Variants in CRB1 observed in about 807,000 individuals in gnomAD.
CRB1 encodes the protein protein crumbs homolog 1.
Under a neutral mutation model 120.0 loss-of-function variants are expected in CRB1, and 83 were observed. The ratio of observed to expected loss-of-function variants is 0.69; its 90% CI spans 0.58 to 0.83. The LOEUF is 0.83. Among genes scored for constraint, CRB1 ranks in the 40% least tolerant of loss-of-function variants. The probability of loss-of-function intolerance (pLI) is 0.00; values close to 1 mark genes in which losing one functional copy is unlikely to be tolerated. For missense variants in CRB1, 1,699 were observed against 1,687.6 expected (o/e 1.01, Z -0.12); for synonymous variants, 625 against 612.5 (o/e 1.02, Z -0.30).
intron 8 of CRB1, among the ~76,000 whole-genome samples, chr1:197,433,141 C>A (rs576992932): frequency 6.6e-6 from 1 of 151,796 alleles, no homozygotes; most frequent in African/African-American, 2.4e-5. Context: ...AGCTATCCAC[C>A]CTCCTCAGCC....
chr1:197,394,104 A>G (rs539009063), intron 5 of CRB1, among the ~76,000 whole-genome samples: 5 of 152,032 alleles, frequency 3.3e-5, no homozygotes, highest in African/African-American at 9.7e-5. Context: ...CCTGTGCCCA[A>G]CTATGTGCAG....
At chr1:197,397,843 G>C (rs1247851581) in intron 5 of CRB1, among the ~76,000 whole-genome samples, 1 of 152,134 alleles carries the variant, frequency 6.6e-6, no homozygotes, top group East Asian at 1.9e-4. Context: ...ATTGAGAACT[G>C]TTTTGGAGGG....
intron 5 of CRB1, among the ~76,000 whole-genome samples, chr1:197,379,190 G>A (rs1481038928): frequency 6.6e-6 from 1 of 152,060 alleles, no homozygotes; most frequent in African/African-American, 2.4e-5. Flanking sequence ...GAAGATCAAT[G>A]TTCTAATGGT....
intron 11 of CRB1, among the ~76,000 whole-genome samples, chr1:197,468,983 C>G (rs976566450): frequency 5.3e-5 from 8 of 151,732 alleles, no homozygotes; most frequent in Non-Finnish European, 1.0e-4. Flanking sequence ...TCTGCTGGAA[C>G]CCCCCGGCCC....
the CRB1 span, among the ~76,000 whole-genome samples, chr1:197,260,941 C>A: frequency 6.6e-6 from 1 of 152,108 alleles, no homozygotes; most frequent in Non-Finnish European, 1.5e-5. Flanking sequence ...GTGATCCACC[C>A]GCCTTGGCCT....
chr1:197,458,251 T>C (rs1227158095), intron 11 of CRB1, among the ~76,000 whole-genome samples: 5 of 151,846 alleles, frequency 3.3e-5, no homozygotes, highest in Non-Finnish European at 5.9e-5. Flanking sequence ...AAAGAGCTAG[T>C]AGAGTTTACA....
chr1:197,222,193 G>T, the CRB1 span: 1 of 451,288 alleles, frequency 2.2e-6, no homozygotes, highest in Non-Finnish European at 4.2e-6. Context: ...GCTCCTTGTT[G>T]CCCTGCACTG....
intron 5 of CRB1, among the ~76,000 whole-genome samples, chr1:197,385,398 T>C (rs1453909334): frequency 6.6e-6 from 1 of 152,146 alleles, no homozygotes; most frequent in African/African-American, 2.4e-5. Context: ...CAGGAAACTA[T>C]ATGTCTAATA....
chr1:197,390,024 G>T (rs1384674828), intron 5 of CRB1, among the ~76,000 whole-genome samples: 1 of 151,944 alleles, frequency 6.6e-6, no homozygotes, highest in Non-Finnish European at 1.5e-5. Context: ...CTTTTATTAT[G>T]GTATTATTAA....
intron 5 of CRB1, among the ~76,000 whole-genome samples, chr1:197,388,011 T>C (rs1662310641): frequency 1.3e-5 from 2 of 152,054 alleles, no homozygotes; most frequent in Admixed American, 1.3e-4. Flanking sequence ...TATATATATA[T>C]ATATATGCAC....
chr1:197,334,270 C>T (rs1196413096), intron 2 of CRB1, among the ~76,000 whole-genome samples: 7 of 152,118 alleles, frequency 4.6e-5, no homozygotes, highest in African/African-American at 1.7e-4. Flanking sequence ...CAAGGAAACA[C>T]AAATCAATAA....
chr1:197,365,626 C>CTTTTTTTTTTTT (rs375542477), intron 5 of CRB1, among the ~76,000 whole-genome samples: 2 of 121,888 alleles, frequency 1.6e-5, no homozygotes, highest in African/African-American at 7.1e-5. Context: ...TCTTCTTCTT[C>CTTTTTTTTTTTT]TTTTTTTTTT....
At chr1:197,448,290 C>T (rs554503039) in intron 11 of CRB1, among the ~76,000 whole-genome samples, 1 of 151,866 alleles carries the variant, frequency 6.6e-6, no homozygotes, top group African/African-American at 2.4e-5. Context: ...TTTCTTTTTC[C>T]TGGGGGGTCT....
chr1:197,468,096 G>C (rs927981509), intron 11 of CRB1, among the ~76,000 whole-genome samples: 1 of 152,096 alleles, frequency 6.6e-6, no homozygotes. Flanking sequence ...AGAACCACAG[G>C]CATGCTTTTT....
intron 2 of CRB1, among the ~76,000 whole-genome samples, chr1:197,334,287 G>A (rs1011731527): frequency 1.3e-5 from 2 of 152,120 alleles, no homozygotes; most frequent in African/African-American, 2.4e-5. Flanking sequence ...ATAAAAGCAG[G>A]CTTTTATATA....
intron 5 of CRB1, among the ~76,000 whole-genome samples, chr1:197,372,235 C>T (rs1361909929): frequency 1.3e-5 from 2 of 152,066 alleles, no homozygotes; most frequent in African/African-American, 4.8e-5. Context: ...TACATAAGTC[C>T]CAGGGGCACC....
At chr1:197,216,943 G>C in the CRB1 span, among the ~76,000 whole-genome samples, 1 of 151,330 alleles carries the variant, frequency 6.6e-6, no homozygotes, top group African/African-American at 2.4e-5. Context: ...TCAAGAAAGT[G>C]AAAAGACAAC....
rs576181151 is a variant in CRB1, at chr1:197,391,343, A to G, written c.1172-29657A>G. On this transcript the variant is annotated intron_variant, in intron 5 of 11. Transcript: ENST00000367400. ...CACAGGCTAATTTCAACCAACTTTG[A>G]TAGAGGGGCAAAGAGTCTATAGCTA... 1.2e-3 allele frequency among the ~76,000 whole-genome samples: 183 copies of G among 152,246 alleles called. 1 individual carries two copies. Among genetic ancestry groups the G allele is most frequent in the Non-Finnish European group, 2.2e-3 (147 of 68,002 alleles).
the CRB1 span, among the ~76,000 whole-genome samples, chr1:197,216,042 A>T: frequency 1.3e-5 from 2 of 152,150 alleles, no homozygotes; most frequent in Admixed American, 1.3e-4. Flanking sequence ...AGATCCTTAA[A>T]TTTCTTAAAC....
Sources: gnomAD v4.1 joint callset for allele counts (sites outside exome capture counted in the v4.1 genomes callset) on GRCh38, gnomAD v4.1.1 for gene constraint, MANE v1.5 for transcripts, NCBI Gene and HGNC (gene_info 2026-07-23, HGNC 2026-07-21) for gene names.